ARID4B: variants seen among roughly 807,000 people sequenced by gnomAD.
ARID4B encodes AT-rich interaction domain 4B, also known as AT-rich interactive domain-containing protein 4B.
In ARID4B, 26 loss-of-function variants were observed where a neutral mutation model predicts 147.5. That is an observed-to-expected ratio of 0.18 (90% CI 0.13 to 0.24). The LOEUF (loss-of-function observed/expected upper bound fraction) is 0.24. Ranked by LOEUF, ARID4B falls within the 10% of genes least tolerant of loss-of-function variation. The probability of loss-of-function intolerance (pLI) is 1.00; values close to 1 mark genes in which losing one functional copy is unlikely to be tolerated. For synonymous variants in ARID4B, 512 were observed against 507.9 expected (o/e 1.01, Z -0.11); for missense variants, 1,179 against 1,511.5 (o/e 0.78, Z 3.65).
chr1:235,173,587 A>G (rs1303157687), intron 22 of ARID4B, among the ~76,000 whole-genome samples: 1 of 150,174 alleles, frequency 6.7e-6, no homozygotes, highest in Non-Finnish European at 1.5e-5. Flanking sequence ...GAAAAACTCT[A>G]GAGTAGTATT....
chr1:235,308,463 C>T (rs1375148856), intron 2 of ARID4B, among the ~76,000 whole-genome samples: 1 of 142,936 alleles, frequency 7.0e-6, no homozygotes, highest in Non-Finnish European at 1.5e-5. Context: ...CCCTCCCTCT[C>T]CCTATCCCTC....
intron 7 of ARID4B, among the ~76,000 whole-genome samples, chr1:235,245,130 T>G (rs181396401): frequency 6.6e-6 from 1 of 152,204 alleles, no homozygotes; most frequent in Non-Finnish European, 1.5e-5. Flanking sequence ...TTTACACATG[T>G]ATAACACAAT....
At chr1:235,198,838 G>A (rs545886775) in intron 17 of ARID4B, among the ~76,000 whole-genome samples, 18 of 152,306 alleles carry the variant, frequency 1.2e-4, no homozygotes, top group South Asian at 4.1e-4. Flanking sequence ...AGTGGCTAAC[G>A]CCTGTAATCC....
intron 3 of ARID4B, among the ~76,000 whole-genome samples, chr1:235,257,590 T>C (rs1312437052): frequency 2.0e-5 from 3 of 152,046 alleles, no homozygotes; most frequent in African/African-American, 7.2e-5. Flanking sequence ...CAAGTGATTC[T>C]CCTGCCTCAG....
intron 17 of ARID4B, among the ~76,000 whole-genome samples, chr1:235,202,554 A>ATT (rs139745212): frequency 6.8e-6 from 1 of 146,570 alleles, no homozygotes; most frequent in African/African-American, 2.5e-5. Context: ...TGAAAAAAAA[A>ATT]TTTTTTTTTT....
chr1:235,177,007 G>C, intron 21 of ARID4B: 1 of 460,976 alleles, frequency 2.2e-6, no homozygotes, highest in South Asian at 1.6e-5. Flanking sequence ...ATTTTCTGTG[G>C]ATTGATGCAC....
At chr1:235,253,756 C>G (rs755626049) in intron 5 of ARID4B, among the ~76,000 whole-genome samples, 1 of 152,164 alleles carries the variant, frequency 6.6e-6, no homozygotes, top group Non-Finnish European at 1.5e-5. Flanking sequence ...GGATATGCTA[C>G]ATTCCTTAGA....
At chr1:235,273,118 A>G (rs1572129163) in intron 2 of ARID4B, among the ~76,000 whole-genome samples, 3 of 152,190 alleles carry the variant, frequency 2.0e-5, no homozygotes, top group Non-Finnish European at 4.4e-5. Flanking sequence ...GCTCACTGCA[A>G]CCTCTGCCTC....
At chr1:235,323,907 GT>G (rs1054376468) in intron 2 of ARID4B, among the ~76,000 whole-genome samples, 171 of 143,172 alleles carry the variant, frequency 1.2e-3, no homozygotes, top group African/African-American at 2.4e-3. Context: ...ATTTTATTTA[GT>G]TTTTTTTTTT....
chr1:235,246,605 T>C (rs1356116531), intron 6 of ARID4B, 94 bp from the exon 7 acceptor site: 1 of 871,238 alleles, frequency 1.1e-6, no homozygotes, highest in Non-Finnish European at 1.9e-6. Context: ...TGCTCAGATT[T>C]TGAGATTAAA....
intron 6 of ARID4B, among the ~76,000 whole-genome samples, chr1:235,249,248 G>A (rs1271985102): frequency 6.6e-6 from 1 of 152,090 alleles, no homozygotes; most frequent in Non-Finnish European, 1.5e-5. Context: ...CACGAGAATC[G>A]CTTGAACCCG....
At chr1:235,320,334 A>T (rs552328660) in intron 2 of ARID4B, among the ~76,000 whole-genome samples, 1 of 152,174 alleles carries the variant, frequency 6.6e-6, no homozygotes, top group Admixed American at 6.5e-5. Context: ...CACTTGTGGG[A>T]GGACATACAT....
intron 19 of ARID4B, among the ~76,000 whole-genome samples, chr1:235,183,532 A>AT (rs764400393): frequency 4.6e-5 from 7 of 151,826 alleles, no homozygotes; most frequent in Non-Finnish European, 7.4e-5. Context: ...TTATGAAACT[A>AT]TAGCCTTCAT....
chr1:235,241,891 G>T (rs1669007362), intron 7 of ARID4B, among the ~76,000 whole-genome samples: 1 of 152,072 alleles, frequency 6.6e-6, no homozygotes, highest in South Asian at 2.1e-4. Flanking sequence ...TGATTTCAAT[G>T]ATCAGTCAAA....
At chr1:235,173,815 T>C (rs1295973094) in intron 22 of ARID4B, among the ~76,000 whole-genome samples, 1 of 61,382 alleles carries the variant, frequency 1.6e-5, no homozygotes, top group African/African-American at 6.7e-5. Flanking sequence ...TATATATATG[T>C]ATACCTAAAA....
intron 17 of ARID4B, among the ~76,000 whole-genome samples, chr1:235,206,721 G>A (rs908552137): frequency 4.6e-5 from 7 of 152,186 alleles, no homozygotes; most frequent in African/African-American, 1.4e-4. Context: ...AAGAAAAGCA[G>A]GAGGAATTTA....
chr1:235,308,639 T>C (rs1003542044), intron 2 of ARID4B, among the ~76,000 whole-genome samples: 2 of 152,100 alleles, frequency 1.3e-5, no homozygotes, highest in Non-Finnish European at 2.9e-5. Flanking sequence ...CACGCCTGAC[T>C]GGTTTTTGTA....
chr1:235,255,240 T>C (rs1459365034), intron 5 of ARID4B, among the ~76,000 whole-genome samples: 1 of 90,296 alleles, frequency 1.1e-5, no homozygotes, highest in African/African-American at 4.1e-5. Context: ...GATAGATAGA[T>C]AGATAGATAG....
chr1:235,233,351 T>TG (rs1668359943), intron 9 of ARID4B, among the ~76,000 whole-genome samples: 2 of 152,072 alleles, frequency 1.3e-5, no homozygotes, highest in Non-Finnish European at 2.9e-5. Context: ...AAGGATAACC[T>TG]GAGCCCAAAG....
Sources: allele counts gnomAD v4.1 joint callset (sites outside exome capture counted in the v4.1 genomes callset), GRCh38; gene constraint gnomAD v4.1.1; transcripts MANE v1.5; gene names NCBI Gene and HGNC (gene_info 2026-07-23, HGNC 2026-07-21).